The following EYS variants were observed in gnomAD, a reference collection of about 807,000 sequenced individuals.
The protein encoded by EYS is protein eyes shut homolog.
EYS carries 250 observed loss-of-function variants against 282.1 expected under a neutral mutation model. That is an observed-to-expected ratio of 0.89 (90% confidence interval 0.80 to 0.98). EYS has a LOEUF of 0.98. Ranked by LOEUF, EYS falls within the 50% of genes least tolerant of loss-of-function variation. EYS has a pLI of 0.00. For missense variants in EYS, 4,016 were observed against 3,709.0 expected (o/e 1.08, Z -2.15); for synonymous variants, 1,355 against 1,282.9 (o/e 1.06, Z -1.20).
intron 32 of EYS, 149 bp downstream of exon 32, chr6:64,081,707 C>T (rs751902146): frequency 1.7e-6 from 1 of 581,424 alleles, no homozygotes; most frequent in Non-Finnish European, 2.8e-6. Context: ...AGAGAAACTA[C>T]AAAGAACTAA....
intron 13 of EYS, among the ~76,000 whole-genome samples, chr6:65,053,705 G>T (rs1773338609): frequency 6.6e-6 from 1 of 151,874 alleles, no homozygotes; most frequent in South Asian, 2.1e-4. Context: ...CTCTGTACTT[G>T]CGTCTGAAGC....
At chr6:64,692,977 C>CTTTTTTTTTT (rs67700846) in intron 22 of EYS, among the ~76,000 whole-genome samples, 2,419 of 11,478 alleles carry the variant, frequency 0.21, 895 homozygotes, top group Non-Finnish European at 0.26. Context: ...GCTGCTTGGG[C>CTTTTTTTTTT]TTTTTTTTTT....
intron 5 of EYS, among the ~76,000 whole-genome samples, chr6:65,443,618 CAT>C (rs778317787): frequency 3.1e-4 from 46 of 150,310 alleles, no homozygotes; most frequent in Admixed American, 1.3e-3. Flanking sequence ...CATATACACA[CAT>C]ATAAACATGT....
chr6:64,382,089 G>C (rs770092384), intron 29 of EYS, among the ~76,000 whole-genome samples: 1 of 152,122 alleles, frequency 6.6e-6, no homozygotes, highest in African/African-American at 2.4e-5. Context: ...ATATTGAACA[G>C]CCCCTCCTTC....
At chr6:64,750,503 C>A (rs758880909) in intron 22 of EYS, among the ~76,000 whole-genome samples, 1 of 149,708 alleles carries the variant, frequency 6.7e-6, no homozygotes. Context: ...ATATGTCATC[C>A]AAAGAAAACT....
In EYS at chr6:63,868,080, G is replaced by T. The variant is rs114399524; in HGVS notation, c.7056-3722C>A. The stretch of plus-strand genomic sequence containing the variant: ...TCCGTCAAAGTACAAAGATGAGAAG[G>T]TTTTCATTTTAGGAGTGCCATATAC... On this transcript the variant is annotated intron_variant, in intron 35 of 42. Coordinates refer to ENST00000503581, the MANE Select transcript of EYS (RefSeq NM_001142800.2). 9.7e-3 allele frequency among the ~76,000 whole-genome samples: 1,471 copies of T among 152,104 alleles called. 11 individuals are homozygous for T. Among genetic ancestry groups the T allele is most frequent in the South Asian group, 0.017 (81 of 4,820 alleles).
chr6:64,186,775 T>C (rs1438875645), intron 31 of EYS, among the ~76,000 whole-genome samples: 1 of 152,162 alleles, frequency 6.6e-6, no homozygotes, highest in Non-Finnish European at 1.5e-5. Flanking sequence ...CAAAAAGGAC[T>C]CTTTCAGTTC....
intron 35 of EYS, among the ~76,000 whole-genome samples, 163 bp from the exon 36 acceptor site, chr6:63,864,521 T>A (rs116055997): frequency 8.2e-4 from 125 of 152,292 alleles, no homozygotes; most frequent in African/African-American, 2.8e-3. Context: ...AACTTTTGAA[T>A]ATTTGTAGCT....
intron 26 of EYS, among the ~76,000 whole-genome samples, chr6:64,495,478 C>T (rs1776861326): frequency 6.6e-6 from 1 of 151,746 alleles, no homozygotes; most frequent in Admixed American, 6.6e-5. Flanking sequence ...GAAATGGAAG[C>T]TAAAGGGCAT....
intron 22 of EYS, among the ~76,000 whole-genome samples, chr6:64,761,165 TTG>T (rs1318263265): frequency 6.6e-6 from 1 of 152,124 alleles, no homozygotes; most frequent in Non-Finnish European, 1.5e-5. Flanking sequence ...CTCCAGGAAA[TTG>T]GAAACTCAAG....
chr6:65,317,777 T>TCTTC lies in EYS; in HGVS notation c.1766+17199_1766+17202dup, dbSNP rs911036026. Among the ~76,000 whole-genome samples, 302 of 57,418 alleles carry TCTTC rather than the reference T, an allele frequency of 5.3e-3. 11 individuals are homozygous for TCTTC. The highest frequency in any genetic ancestry group is 8.1e-3 in the African/African-American group (125 of 15,414). 37.7% of individuals were successfully genotyped at this position (57,418 alleles called of 152,430 possible). A position where few individuals can be genotyped will look rare whatever the true frequency, so the allele number is the denominator to read the frequency against. On this transcript the variant is annotated intron_variant, in intron 11 of 42. Coordinates refer to ENST00000503581, the MANE Select transcript of EYS (RefSeq NM_001142800.2). ...GCTCTTGGCTGGAGGCTACATTTTC[T>TCTTC]CTTCCTTCCTTCCTTCCTTCCTTCC...
At chr6:64,779,699 A>T (rs1286283766) in intron 22 of EYS, among the ~76,000 whole-genome samples, 1 of 152,170 alleles carries the variant, frequency 6.6e-6, no homozygotes, top group Non-Finnish European at 1.5e-5. Flanking sequence ...TGAATGCAAG[A>T]TGTTGATAAA....
At chr6:65,439,356 T>C (rs916628569) in intron 5 of EYS, among the ~76,000 whole-genome samples, 2 of 145,764 alleles carry the variant, frequency 1.4e-5, no homozygotes, top group Non-Finnish European at 3.1e-5. Context: ...ATATGAACTT[T>C]AAAGTAGTTT....
In EYS at chr6:64,822,748, T is replaced by C; in HGVS notation, c.3067A>G (p.Ile1023Val). 1 of 1,550,268 alleles carries C rather than the reference T, an allele frequency of 6.5e-7. No individual in the cohort carries two copies. The highest frequency in any genetic ancestry group is 8.7e-7 in the Non-Finnish European group (1 of 1,146,098). ...CLHDGVCIDG[I>V]NHYTCDCKSG... ...TTGCAGTCACAGGTATAATGATTGA[T>C]GCCATCGATACAAACTCCATCATGG... Residue 1023 changes from isoleucine (I) to valine (V), a missense_variant, in exon 20 of 43, where the codon ATC becomes GTC. Physicochemically the swap from Ile to Val is conservative, Grantham distance 29 (BLOSUM62 3). Transcript: ENST00000503581.
chr6:65,600,829 C>T (rs1202013291), intron 2 of EYS, among the ~76,000 whole-genome samples: 1 of 151,652 alleles, frequency 6.6e-6, no homozygotes, highest in Non-Finnish European at 1.5e-5. Context: ...GCAATTTTCT[C>T]GGTAGTACTA....
At chr6:64,119,114 C>T (rs959813403) in intron 31 of EYS, among the ~76,000 whole-genome samples, 1 of 151,972 alleles carries the variant, frequency 6.6e-6, no homozygotes, top group African/African-American at 2.4e-5. Context: ...ATAGAGTTCA[C>T]TTTTATGTTA....
intron 31 of EYS, among the ~76,000 whole-genome samples, chr6:64,108,775 CTT>C (rs914636554): frequency 2.0e-5 from 3 of 152,040 alleles, no homozygotes; most frequent in African/African-American, 4.8e-5. Flanking sequence ...GCCTTGAAGA[CTT>C]TGTCTGTTAT....
At chr6:64,579,973 T>C (rs1656726053) in intron 26 of EYS, among the ~76,000 whole-genome samples, 1 of 152,166 alleles carries the variant, frequency 6.6e-6, no homozygotes, top group African/African-American at 2.4e-5. Flanking sequence ...GATTACTGTA[T>C]ATTGAGCCAC....
chr6:63,846,978 G>T (rs1431515788), intron 36 of EYS, among the ~76,000 whole-genome samples: 1 of 151,852 alleles, frequency 6.6e-6, no homozygotes, highest in Non-Finnish European at 1.5e-5. Flanking sequence ...CTGGTTTTTA[G>T]GAATACCTGT....
Sources: allele counts gnomAD v4.1 joint callset (sites outside exome capture counted in the v4.1 genomes callset), GRCh38; gene constraint gnomAD v4.1.1; transcripts MANE v1.5; gene names NCBI Gene and HGNC (gene_info 2026-07-23, HGNC 2026-07-21).